The following SGCZ variants were observed in gnomAD, a reference collection of about 807,000 sequenced individuals.
The protein encoded by SGCZ is zeta-sarcoglycan.
Under a neutral mutation model 41.3 loss-of-function variants are expected in SGCZ, and 40 were observed. The observed-to-expected ratio is 0.97, with a 90% CI of 0.75 to 1.26. SGCZ has a LOEUF of 1.26. Among genes scored for constraint, SGCZ ranks in the 50% most tolerant of loss-of-function variants. The probability of loss-of-function intolerance (pLI) is 0.00; values close to 1 mark genes in which losing one functional copy is unlikely to be tolerated. For synonymous variants in SGCZ, 206 were observed against 137.5 expected (o/e 1.50, Z -3.49); for missense variants, 552 against 369.8 (o/e 1.49, Z -4.04).
chr8:14,614,972 A>G (rs1424429817), intron 1 of SGCZ, among the ~76,000 whole-genome samples: 1 of 147,314 alleles, frequency 6.8e-6, no homozygotes, highest in Non-Finnish European at 1.5e-5. Context: ...ATATATACAC[A>G]TGTACACACA....
chr8:14,260,854 A>T (rs1025723680), intron 3 of SGCZ, among the ~76,000 whole-genome samples: 1 of 152,112 alleles, frequency 6.6e-6, no homozygotes, highest in Non-Finnish European at 1.5e-5. Flanking sequence ...AGAACAAAAA[A>T]CCAAACACCG....
intron 1 of SGCZ, among the ~76,000 whole-genome samples, chr8:15,079,624 C>A (rs1192218224): frequency 2.0e-5 from 3 of 152,152 alleles, no homozygotes; most frequent in Non-Finnish European, 2.9e-5. Context: ...TAGATTCAAA[C>A]CTTCTATTTC....
chr8:14,405,644 T>A (rs1799192307), intron 2 of SGCZ, among the ~76,000 whole-genome samples: 1 of 152,220 alleles, frequency 6.6e-6, no homozygotes, highest in African/African-American at 2.4e-5. Flanking sequence ...AATGTTGAAA[T>A]AATTCTGCTT....
At chr8:14,910,909 C>T (rs1219363572) in intron 1 of SGCZ, among the ~76,000 whole-genome samples, 2 of 151,844 alleles carry the variant, frequency 1.3e-5, no homozygotes, top group African/African-American at 4.8e-5. Context: ...TAATCAGTGA[C>T]CTTAAAGTAG....
intron 2 of SGCZ, among the ~76,000 whole-genome samples, chr8:14,429,669 A>G (rs1585500021): frequency 6.6e-6 from 1 of 152,328 alleles, no homozygotes; most frequent in East Asian, 1.9e-4. Flanking sequence ...CGGCTCTAAA[A>G]TCAATGACTA....
intron 1 of SGCZ, among the ~76,000 whole-genome samples, chr8:14,856,204 C>A (rs566721816): frequency 4.8e-4 from 73 of 152,090 alleles, no homozygotes; most frequent in African/African-American, 1.7e-3. Flanking sequence ...AGTTATTTAG[C>A]GAAGATAAGT....
intron 1 of SGCZ, among the ~76,000 whole-genome samples, chr8:14,683,294 A>G (rs998115198): frequency 6.6e-6 from 1 of 152,208 alleles, no homozygotes; most frequent in Non-Finnish European, 1.5e-5. Flanking sequence ...ACACCAAGAA[A>G]GTATGACAGA....
intron 2 of SGCZ, among the ~76,000 whole-genome samples, chr8:14,520,765 C>T (rs1012471446): frequency 6.6e-6 from 1 of 152,160 alleles, no homozygotes; most frequent in African/African-American, 2.4e-5. Flanking sequence ...CAAAAGGAAT[C>T]TTATGCTAAT....
chr8:14,141,585 T>C (rs1803371169), intron 5 of SGCZ, among the ~76,000 whole-genome samples: 1 of 152,168 alleles, frequency 6.6e-6, no homozygotes, highest in Non-Finnish European at 1.5e-5. Flanking sequence ...TCACTGGCCA[T>C]CAGAGAAATG....
chr8:14,751,842 C>T (rs1169067756), intron 1 of SGCZ, among the ~76,000 whole-genome samples: 5 of 151,866 alleles, frequency 3.3e-5, no homozygotes. Flanking sequence ...AGCCACTGCA[C>T]CCGGCCATGA....
At chr8:14,814,454 G>T (rs969939099) in intron 1 of SGCZ, among the ~76,000 whole-genome samples, 1 of 152,174 alleles carries the variant, frequency 6.6e-6, no homozygotes, top group Admixed American at 6.5e-5. Flanking sequence ...CCAGTATAAA[G>T]TAAGGGAAAC....
chr8:14,375,156 G>C (rs1804068999), intron 2 of SGCZ, among the ~76,000 whole-genome samples: 1 of 151,474 alleles, frequency 6.6e-6, no homozygotes, highest in South Asian at 2.1e-4. Context: ...ATAGATATTT[G>C]GCATGGATTG....
chr8:14,453,403 T>G (rs989157672), intron 2 of SGCZ, among the ~76,000 whole-genome samples: 2 of 152,214 alleles, frequency 1.3e-5, no homozygotes, highest in African/African-American at 4.8e-5. Flanking sequence ...AAACGAGAAT[T>G]TGAACAACAA....
chr8:14,926,643 G>GTTT (rs1554523020), intron 1 of SGCZ, among the ~76,000 whole-genome samples: 1 of 150,378 alleles, frequency 6.6e-6, no homozygotes, highest in African/African-American at 2.4e-5. Flanking sequence ...CCGTGTGTGT[G>GTTT]GTTTTTTTTT....
intron 1 of SGCZ, among the ~76,000 whole-genome samples, chr8:15,178,101 C>T (rs1244231063): frequency 1.3e-5 from 2 of 152,134 alleles, no homozygotes; most frequent in African/African-American, 4.8e-5. Context: ...AGGACACTGC[C>T]TCCTGAGCCT....
At chr8:14,786,816 G>C (rs541735669) in intron 1 of SGCZ, among the ~76,000 whole-genome samples, 6 of 147,966 alleles carry the variant, frequency 4.1e-5, no homozygotes, top group Non-Finnish European at 7.4e-5. Flanking sequence ...TTTACAAGGA[G>C]TGGAAGAGTT....
At chr8:14,650,380 A>G (rs193228148) in intron 1 of SGCZ, among the ~76,000 whole-genome samples, 2 of 152,146 alleles carry the variant, frequency 1.3e-5, no homozygotes, top group East Asian at 3.9e-4. Flanking sequence ...CTTCAGGGTT[A>G]CATGTGCAGG....
chr8:14,151,307 G>A (rs919556219), intron 5 of SGCZ, among the ~76,000 whole-genome samples: 22 of 151,732 alleles, frequency 1.4e-4, no homozygotes, highest in Non-Finnish European at 2.9e-4. Flanking sequence ...CATACTATAT[G>A]CCAAAGAAAT....
intron 2 of SGCZ, among the ~76,000 whole-genome samples, chr8:14,396,393 C>G (rs182639445): frequency 2.6e-5 from 4 of 152,182 alleles, no homozygotes; most frequent in African/African-American, 7.2e-5. Flanking sequence ...AACAATGGTT[C>G]AGATGAAATT....
Sources: allele counts gnomAD v4.1 joint callset (sites outside exome capture counted in the v4.1 genomes callset), GRCh38; gene constraint gnomAD v4.1.1; transcripts MANE v1.5; gene names NCBI Gene and HGNC (gene_info 2026-07-23, HGNC 2026-07-21).